The following C4orf50 variants were observed in gnomAD, a reference collection of about 807,000 sequenced individuals.
C4orf50 encodes uncharacterized protein C4orf50.
A neutral mutation model predicts 77.2 loss-of-function variants in C4orf50; 80 were observed. The ratio of observed to expected loss-of-function variants is 1.04; its 90% CI spans 0.87 to 1.25. The LOEUF (loss-of-function observed/expected upper bound fraction) is 1.25, where lower values mean the gene tolerates loss of function less well. C4orf50 is among the 50% of genes most tolerant of loss of function. C4orf50 has a pLI of 0.00. For synonymous variants in C4orf50, 532 were observed against 465.3 expected (o/e 1.14, Z -1.84); for missense variants, 1,257 against 1,152.9 (o/e 1.09, Z -1.31).
intron 28 of C4orf50, 79 bp downstream of exon 6, chr4:5,988,268 T>G: frequency 6.5e-7 from 1 of 1,538,908 alleles, no homozygotes; most frequent in Non-Finnish European, 8.8e-7. Flanking sequence ...AGGACTCTGG[T>G]GAATTGCATA....
chr4:5,988,277 T>C, intron 28 of C4orf50, 70 bp downstream of exon 6: 1 of 1,557,344 alleles, frequency 6.4e-7, no homozygotes, highest in Non-Finnish European at 8.7e-7. Context: ...GTGAATTGCA[T>C]AAGTGAATGG....
At chr4:5,983,282 C>T (rs1720696566) in intron 28 of C4orf50, among the ~76,000 whole-genome samples, 1 of 152,220 alleles carries the variant, frequency 6.6e-6, no homozygotes, top group Non-Finnish European at 1.5e-5. Flanking sequence ...CCTACCACAT[C>T]TAGAAAAGAT....
At chr4:5,941,978 A>T (rs932536653) in intron 7 of C4orf50, among the ~76,000 whole-genome samples, 34 of 152,088 alleles carry the variant, frequency 2.2e-4, no homozygotes, top group Non-Finnish European at 4.0e-4. Flanking sequence ...CCAATTATCA[A>T]TGTTTATTTT....
At chr4:5,980,290 C>A (rs1269760499) in exon 29 of C4orf50, 3 of 1,612,708 alleles carry the variant, frequency 1.9e-6, no homozygotes, top group Admixed American at 1.7e-5. Flanking sequence ...AGCTGCTGGG[C>A]CCGCAGCCTG....
downstream of C4orf50, among the ~76,000 whole-genome samples, chr4:5,955,328 C>G (rs1194495139): frequency 6.6e-6 from 1 of 151,966 alleles, no homozygotes; most frequent in Non-Finnish European, 1.5e-5. The surrounding 1 kb of genome is among the most constrained non-coding windows in gnomAD (Gnocchi z 5.1). Flanking sequence ...AGGGGAAGAG[C>G]TGGGGTCCAA....
At position 6,008,157 on chromosome 4, in the gene C4orf50, C is replaced by T; in HGVS notation, c.802G>A (p.Glu268Lys). Reference sequence around the variant, plus strand: ...TCCAGCTGCCCGCGGAGCTGGCGCTCGGTGGCCCGGTGCTCCTGCAGGCTG... The same window carrying T: ...TCCAGCTGCCCGCGGAGCTGGCGCTTGGTGGCCCGGTGCTCCTGCAGGCTG... The change falls in exon 25 of 34, where the codon GAG (glutamate) becomes AAG (lysine). Residue 268 changes from glutamate (E) to lysine (K), a missense_variant. Glu to Lys is a moderately conservative substitution (Grantham distance 56, BLOSUM62 1). Coordinates refer to ENST00000531445, the Ensembl canonical transcript of C4orf50. The surrounding 1 kb of genome is among the most constrained non-coding windows in gnomAD (Gnocchi z 6.0). 2.5e-6 allele frequency: 1 copy of T among 398,788 alleles called. No homozygotes were observed. Among genetic ancestry groups the T allele is most frequent in the Non-Finnish European group, 4.4e-6 (1 of 225,970 alleles). 24.7% of individuals were successfully genotyped at this position (398,788 alleles called of 1,614,324 possible).
chr4:5,956,138 A>G (rs1433676759), downstream of C4orf50, among the ~76,000 whole-genome samples: 1 of 152,206 alleles, frequency 6.6e-6, no homozygotes, highest in Non-Finnish European at 1.5e-5. Context: ...AGGGTCACAC[A>G]GCAGGATCAC....
At position 6,008,401 on chromosome 4, in the gene C4orf50, GCGCCGCTGGGTC is replaced by G; in HGVS notation, c.546_557del (p.Thr183_Arg186del). On this transcript the variant is annotated inframe_deletion, in exon 25 of 34. Coordinates refer to ENST00000531445, the Ensembl canonical transcript of C4orf50. The surrounding 1 kb of genome is among the most constrained non-coding windows in gnomAD (Gnocchi z 6.0). ...CCTGCTCCCGCACCAGGCCCAGCTG[GCGCCGCTGGGTC>G]CGCCGGCAGCGCTCCAGGGCCGCCG... is the stretch of plus-strand genomic sequence containing the variant. The G allele has an allele frequency of 2.5e-6, 1 of 394,262 alleles. No individual in the cohort carries two copies. Among genetic ancestry groups the G allele is most frequent in the Middle Eastern group, 6.4e-4 (1 of 1,562 alleles). The allele number at this position is 394,262 out of a possible 1,614,324, so 24.4% of individuals were successfully genotyped here.
intron 7 of C4orf50, among the ~76,000 whole-genome samples, chr4:5,950,721 C>T (rs1718678620): frequency 6.6e-6 from 1 of 152,012 alleles, no homozygotes; most frequent in African/African-American, 2.4e-5. Context: ...TTTTTCTTCC[C>T]TCACGACATC....
chr4:5,998,449 G>C lies in C4orf50; in HGVS notation c.964-3973C>G, dbSNP rs139393510. Among the ~76,000 whole-genome samples, 6 of 152,320 alleles carry C rather than the reference G, an allele frequency of 3.9e-5. 1 individual carries two copies. In the East Asian group the frequency reaches 1.2e-3, roughly 29 times the overall value. On this transcript the variant is annotated intron_variant, in intron 25 of 33. Coordinates refer to ENST00000531445, the Ensembl canonical transcript of C4orf50. The stretch of plus-strand genomic sequence containing the variant: ...ACCCTGCTCTGCACAAAAGCAAGCA[G>C]TGAGCAAGGCTGCCTGCAATTCACC...
intron 31 of C4orf50, among the ~76,000 whole-genome samples, chr4:5,969,904 TC>T (rs1032291913): frequency 1.3e-5 from 2 of 151,958 alleles, no homozygotes; most frequent in African/African-American, 4.8e-5. Flanking sequence ...GACGGGACCT[TC>T]CATCTGTGGA....
Position 5,914,123 on chromosome 4 carries a change from A to G in C4orf50, c.*2475-15935T>C, listed in dbSNP as rs188074055. On this transcript the variant is annotated intron_variant, in intron 7 of 7. Transcript: ENST00000324058. The stretch of plus-strand genomic sequence containing the variant: ...AATTGTATATTGACTATGATTATGA[A>G]TATTGTATGGAAACTTACCCGCAGG... 1.4e-4 allele frequency among the ~76,000 whole-genome samples: 21 copies of G among 152,158 alleles called. 1 individual carries two copies. The East Asian group carries it at 3.5e-3, about 25-fold the overall frequency.
chr4:5,955,875 G>A (rs1718935867), downstream of C4orf50, among the ~76,000 whole-genome samples: 1 of 152,218 alleles, frequency 6.6e-6, no homozygotes. The surrounding 1 kb of genome is among the most constrained non-coding windows in gnomAD (Gnocchi z 5.1). Context: ...ACACATCACA[G>A]GCGGGTGCTG....
chr4:5,956,837 T>A (rs930512835), downstream of C4orf50: 2 of 152,314 alleles, frequency 1.3e-5, no homozygotes, highest in Non-Finnish European at 2.9e-5. Context: ...GGGTCACTCG[T>A]AGTCATTCCC....
At chr4:5,996,394 C>G (rs886097965) in intron 25 of C4orf50, among the ~76,000 whole-genome samples, 2 of 152,256 alleles carry the variant, frequency 1.3e-5, no homozygotes, top group East Asian at 3.9e-4. Context: ...CCCTTCGACG[C>G]TTCCTGTTAC....
chr4:6,004,824 A>T (rs1253376912), intron 25 of C4orf50, among the ~76,000 whole-genome samples: 1 of 130,734 alleles, frequency 7.6e-6, no homozygotes, highest in African/African-American at 3.0e-5. Flanking sequence ...GATGATGGTG[A>T]TAGTGATGAT....
intron 7 of C4orf50, among the ~76,000 whole-genome samples, chr4:5,918,978 T>C (rs573412736): frequency 1.3e-5 from 2 of 152,202 alleles, no homozygotes; most frequent in African/African-American, 4.8e-5. Context: ...CCAGACTGCA[T>C]TCCTCTGCAC....
At chr4:6,010,624 T>A (rs543309585) in intron 24 of C4orf50, among the ~76,000 whole-genome samples, 9 of 152,336 alleles carry the variant, frequency 5.9e-5, no homozygotes, top group Middle Eastern at 3.4e-3. Context: ...CCTGAATCGA[T>A]CTCACATCCC....
intron 7 of C4orf50, among the ~76,000 whole-genome samples, chr4:5,917,322 A>G (rs1717069805): frequency 6.6e-6 from 1 of 152,116 alleles, no homozygotes; most frequent in South Asian, 2.1e-4. Context: ...AGTATAACTG[A>G]AAAATATACA....
Sources: gnomAD v4.1 joint callset for allele counts (sites outside exome capture counted in the v4.1 genomes callset) on GRCh38, gnomAD v4.1.1 for gene constraint, Gnocchi (gnomAD v3.1) non-coding constraint, MANE v1.5 for transcripts, NCBI Gene and HGNC (gene_info 2026-07-23, HGNC 2026-07-21) for gene names.